The following COL24A1 variants were observed in gnomAD, a reference collection of about 807,000 sequenced individuals.
COL24A1 encodes collagen alpha-1(XXIV) chain.
In COL24A1, 224 loss-of-function variants were observed where a neutral mutation model predicts 253.9. The observed-to-expected ratio is 0.88, with a 90% CI of 0.79 to 0.99. COL24A1 has a LOEUF of 0.99. Among genes scored for constraint, COL24A1 ranks in the 50% least tolerant of loss-of-function variants. COL24A1 has a pLI of 0.00. For missense variants in COL24A1, 2,131 were observed against 2,068.5 expected, an observed-to-expected ratio of 1.03 and a Z score of -0.59; for synonymous variants, 685 against 673.7, an observed-to-expected ratio of 1.02 and a Z score of -0.26.
At chr1:85,836,520 A>G (rs1676022213) in intron 43 of COL24A1, among the ~76,000 whole-genome samples, 1 of 152,238 alleles carries the variant, frequency 6.6e-6, no homozygotes, top group South Asian at 2.1e-4. Flanking sequence ...ACCTGAAGCT[A>G]TAATAAGATA....
chr1:85,952,341 T>C lies in COL24A1; in HGVS notation c.2562+8908A>G, dbSNP rs563921373. On this transcript the variant is annotated intron_variant, in intron 24 of 59. Coordinates refer to ENST00000370571, the MANE Select transcript of COL24A1 (RefSeq NM_152890.7). ...AGTGTTTGTTAAGGAAAAAAAATGATACATTCCATAAAAGTATTTTAGACA... is the reference window on the plus strand; with the variant it reads ...AGTGTTTGTTAAGGAAAAAAAATGACACATTCCATAAAAGTATTTTAGACA... Among the ~76,000 whole-genome samples the C allele has an allele frequency of 2.6e-5, 4 of 152,312 alleles. No individual in the cohort carries two copies. In the East Asian group the frequency reaches 7.7e-4, roughly 29 times the overall value.
chr1:85,927,960 G>A (rs1399863317), intron 24 of COL24A1, among the ~76,000 whole-genome samples: 1 of 112,762 alleles, frequency 8.9e-6, no homozygotes, highest in Admixed American at 9.6e-5. Flanking sequence ...ACCAAAAGTA[G>A]ATAAAACCAC....
intron 41 of COL24A1, among the ~76,000 whole-genome samples, chr1:85,841,697 G>A (rs534595871): frequency 1.3e-5 from 2 of 152,058 alleles, no homozygotes; most frequent in Admixed American, 6.6e-5. Flanking sequence ...AGTCCAACCT[G>A]GGCAACAGTC....
chr1:85,945,336 TATA>T (rs1689234708), intron 24 of COL24A1, among the ~76,000 whole-genome samples: 1 of 151,718 alleles, frequency 6.6e-6, no homozygotes, highest in Admixed American at 6.6e-5. Flanking sequence ...GATTCTTAAA[TATA>T]ATAATACATA....
At chr1:86,076,230 A>G (rs1326097053) in intron 7 of COL24A1, among the ~76,000 whole-genome samples, 2 of 152,164 alleles carry the variant, frequency 1.3e-5, no homozygotes, top group Non-Finnish European at 2.9e-5. Flanking sequence ...AAAAATCACA[A>G]ACTTTCCTAT....
Position 85,899,742 on chromosome 1 carries a change from G to A in COL24A1, c.2779-3333C>T, listed in dbSNP as rs372327664. 2.1e-3 allele frequency among the ~76,000 whole-genome samples: 327 copies of A among 152,264 alleles called. 5 individuals are homozygous for A. Among genetic ancestry groups the A allele is most frequent in the African/African-American group, 7.5e-3 (312 of 41,548 alleles). ...GGCTGCCTAGATACACGTAGAAAAGGCTGCATCTAGCTGGAGTAAGTCTCA... is the reference window on the plus strand; with the variant it reads ...GGCTGCCTAGATACACGTAGAAAAGACTGCATCTAGCTGGAGTAAGTCTCA... On this transcript the variant is annotated intron_variant, in intron 28 of 59. Transcript: ENST00000370571.
chr1:85,993,155 A>G (rs1189847927), intron 19 of COL24A1, among the ~76,000 whole-genome samples: 1 of 152,112 alleles, frequency 6.6e-6, no homozygotes, highest in Non-Finnish European at 1.5e-5. Context: ...AAAGTAAAAT[A>G]TTATCATTCT....
intron 24 of COL24A1, among the ~76,000 whole-genome samples, chr1:85,935,070 TA>T (rs1688142708): frequency 6.6e-6 from 1 of 152,126 alleles, no homozygotes; most frequent in African/African-American, 2.4e-5. Flanking sequence ...AAATGGTCTA[TA>T]AAAACTTTAA....
At chr1:85,961,164 G>T in intron 24 of COL24A1, 85 bp downstream of exon 24, 2 of 987,036 alleles carry the variant, frequency 2.0e-6, no homozygotes, top group Non-Finnish European at 3.2e-6. Context: ...CGAGTAACTT[G>T]ACTATAGCAA....
chr1:86,062,800 A>G (rs1185382985), intron 8 of COL24A1, among the ~76,000 whole-genome samples: 2 of 152,144 alleles, frequency 1.3e-5, no homozygotes, highest in African/African-American at 2.4e-5. Context: ...TGCCATGTCT[A>G]GTAATTAGCA....
chr1:86,018,478 G>A (rs2101264072), intron 18 of COL24A1, among the ~76,000 whole-genome samples: 1 of 152,296 alleles, frequency 6.6e-6, no homozygotes, highest in African/African-American at 2.4e-5. Flanking sequence ...GGGGCGAGGG[G>A]CTCTCATTGG....
rs372573205 is a variant in COL24A1, at chr1:85,767,380, T to C, written c.4375-5814A>G. Among the ~76,000 whole-genome samples, 22 of 152,258 alleles carry C rather than the reference T, an allele frequency of 1.4e-4. No homozygotes were observed. The South Asian group carries it at 3.9e-3, about 27-fold the overall frequency. ...CCTTAAAGAAAACAAACTGGTAGAA[T>C]GTACTGAAAAATTCCCAATGAAAAG... On this transcript the variant is annotated intron_variant, in intron 53 of 59. Transcript: ENST00000370571.
At chr1:85,853,442 T>C (rs1192745998) in intron 37 of COL24A1, among the ~76,000 whole-genome samples, 1 of 152,226 alleles carries the variant, frequency 6.6e-6, no homozygotes, top group Non-Finnish European at 1.5e-5. Context: ...TAAATGCGCA[T>C]GCATCTTTAT....
Position 85,823,670 on chromosome 1 carries a change from G to A in COL24A1, c.3735+15C>T, listed in dbSNP as rs1234828995. 2.5e-6 allele frequency: 4 copies of A among 1,613,420 alleles called. No homozygotes were observed. Among genetic ancestry groups the A allele is most frequent in the Non-Finnish European group, 3.4e-6 (4 of 1,179,502 alleles). On this transcript the variant is annotated intron_variant, in intron 44 of 59. Coordinates refer to ENST00000370571, the MANE Select transcript of COL24A1 (RefSeq NM_152890.7). ...ATTAATGTTAATTTTTAGAAATAAT[G>A]CTTTCAAAACATACTGGGGGTCCTT...
At position 85,762,170 on chromosome 1, in the gene COL24A1, T is replaced by C. The variant is rs1478116549; in HGVS notation, c.4375-604A>G. Among the ~76,000 whole-genome samples the C allele has an allele frequency of 2.0e-5, 3 of 152,220 alleles. 1 individual carries two copies. In the South Asian group the frequency reaches 6.2e-4, roughly 31 times the overall value. ...CTGTTAAAAATGCTCAAAGGCCCTGTACATCTGTTCAAAAGTAACTTAGAT... is the reference window on the plus strand; with the variant it reads ...CTGTTAAAAATGCTCAAAGGCCCTGCACATCTGTTCAAAAGTAACTTAGAT... On this transcript the variant is annotated intron_variant, in intron 53 of 59. Transcript: ENST00000370571.
intron 46 of COL24A1, among the ~76,000 whole-genome samples, chr1:85,817,165 G>A (rs966604756): frequency 1.3e-5 from 2 of 152,122 alleles, no homozygotes; most frequent in African/African-American, 4.8e-5. Flanking sequence ...TAATTCTCTG[G>A]TGTTTCTTAT....
At chr1:86,142,674 A>G (rs1027886780) in intron 2 of COL24A1, among the ~76,000 whole-genome samples, 2 of 152,142 alleles carry the variant, frequency 1.3e-5, no homozygotes, top group African/African-American at 4.8e-5. Flanking sequence ...TAAAAATAAG[A>G]AAATAAAGAG....
intron 43 of COL24A1, among the ~76,000 whole-genome samples, chr1:85,832,080 A>G (rs1675363164): frequency 6.6e-6 from 1 of 151,954 alleles, no homozygotes; most frequent in Non-Finnish European, 1.5e-5. Context: ...TAAGTCTTTA[A>G]TCCATCTTGA....
chr1:85,889,586 C>G lies in COL24A1; in HGVS notation c.2950G>C (p.Gly984Arg). The change falls in exon 32 of 60, where the codon GGT (glycine) becomes CGT (arginine). Residue 984 changes from glycine to arginine, a missense_variant. Gly to Arg is a moderately radical substitution (Grantham distance 125). Coordinates refer to ENST00000370571, the MANE Select transcript of COL24A1 (RefSeq NM_152890.7). The part of the protein sequence containing the change: ...PGLQGLPGST[G>R]DRGLPGEPGL... ...GGCTCTCCTGGAAGTCCTCTGTCAC[C>G]TGTACTTCCAGGCAATCCCTGTAAA... is the stretch of plus-strand genomic sequence containing the variant. 6.2e-7 allele frequency: 1 copy of G among 1,613,298 alleles called. No homozygotes were observed. The highest frequency in any genetic ancestry group is 8.5e-7 in the Non-Finnish European group (1 of 1,179,424).
Sources: allele counts gnomAD v4.1 joint callset (sites outside exome capture counted in the v4.1 genomes callset), GRCh38; gene constraint gnomAD v4.1.1; transcripts MANE v1.5; gene names NCBI Gene and HGNC (gene_info 2026-07-23, HGNC 2026-07-21).